The following GTF2H1 variants were observed in gnomAD, a reference collection of about 807,000 sequenced individuals.
The protein encoded by GTF2H1 is BTF2 p62.
GTF2H1 carries 16 observed loss-of-function variants against 71.2 expected under a neutral mutation model. The observed-to-expected ratio is 0.22, with a 90% CI of 0.15 to 0.34. GTF2H1 has a LOEUF of 0.34. GTF2H1 is among the 10% of genes least tolerant of loss of function. The pLI is 1.00. For synonymous variants in GTF2H1, 215 were observed against 219.0 expected (o/e 0.98, Z 0.16); for missense variants, 498 against 648.2 (o/e 0.77, Z 2.52).
chr11:18,362,279 G>A (rs1013968773), intron 14 of GTF2H1, among the ~76,000 whole-genome samples: 2 of 152,094 alleles, frequency 1.3e-5, no homozygotes, highest in African/African-American at 4.8e-5. Flanking sequence ...TGGTCCACCT[G>A]TAAAGGGCAT....
At chr11:18,331,706 T>G (rs550869076) in intron 1 of GTF2H1, among the ~76,000 whole-genome samples, 8 of 142,630 alleles carry the variant, frequency 5.6e-5, no homozygotes, top group South Asian at 2.2e-4. Flanking sequence ...TTTTTGGGGG[T>G]TTTTTTTTTG....
At chr11:18,334,919 C>T (rs4150575) in intron 2 of GTF2H1, among the ~76,000 whole-genome samples, 102,987 of 152,028 alleles carry the variant, frequency 0.68, 35,377 homozygotes, top group East Asian at 0.96. Context: ...TTGGTTGTCT[C>T]AGTAATGTTT....
At chr11:18,353,550 C>T (rs1865475231) in intron 11 of GTF2H1, among the ~76,000 whole-genome samples, 1 of 152,172 alleles carries the variant, frequency 6.6e-6, no homozygotes, top group Non-Finnish European at 1.5e-5. Flanking sequence ...TGTTTCTCCC[C>T]CAAGGAACTA....
At chr11:18,356,389 A>AG (rs1397070416) in intron 11 of GTF2H1, among the ~76,000 whole-genome samples, 1 of 152,032 alleles carries the variant, frequency 6.6e-6, no homozygotes, top group Non-Finnish European at 1.5e-5. Flanking sequence ...AAAAAAAAAA[A>AG]AAAAAAAAAT....
At chr11:18,344,632 A>G (rs1865242114) in intron 7 of GTF2H1, among the ~76,000 whole-genome samples, 1 of 151,876 alleles carries the variant, frequency 6.6e-6, no homozygotes, top group Non-Finnish European at 1.5e-5. Context: ...AAAAAAAAAA[A>G]AAAAGGATTA....
intron 14 of GTF2H1, among the ~76,000 whole-genome samples, chr11:18,360,922 C>T (rs1346321322): frequency 6.6e-6 from 1 of 151,800 alleles, no homozygotes; most frequent in Non-Finnish European, 1.5e-5. Flanking sequence ...TCTCCTGCCT[C>T]AGCCTTCTGA....
chr11:18,345,410 T>C (rs980453261), intron 7 of GTF2H1, among the ~76,000 whole-genome samples: 2 of 152,148 alleles, frequency 1.3e-5, no homozygotes, highest in African/African-American at 4.8e-5. Flanking sequence ...AAGCTGACTT[T>C]GTTCTGTTTA....
chr11:18,352,892 A>G (rs1865459043), intron 11 of GTF2H1, among the ~76,000 whole-genome samples: 1 of 152,192 alleles, frequency 6.6e-6, no homozygotes. Context: ...GGCAAACCTG[A>G]TTGATTTTCC....
In GTF2H1 at chr11:18,362,379, A is replaced by G. The variant is rs189320365; in HGVS notation, c.1560+1672A>G. 2.0e-3 allele frequency among the ~76,000 whole-genome samples: 305 copies of G among 152,322 alleles called. 2 individuals are homozygous for G. Among genetic ancestry groups the G allele is most frequent in the Non-Finnish European group, 3.6e-3 (245 of 68,024 alleles). On this transcript the variant is annotated intron_variant, in intron 14 of 14. Transcript: ENST00000265963. Reference sequence around the variant, plus strand: ...ATGTGAAGGCCTAGGACATTACTGTACACTACTGCAGAGTTTACTAACACT... The same window carrying G: ...ATGTGAAGGCCTAGGACATTACTGTGCACTACTGCAGAGTTTACTAACACT...
chr11:18,363,668 T>C (rs1048544885), intron 14 of GTF2H1, among the ~76,000 whole-genome samples: 2 of 152,200 alleles, frequency 1.3e-5, no homozygotes, highest in Non-Finnish European at 2.9e-5. Context: ...GCATTACTTA[T>C]AATCAGATAG....
chr11:18,364,268 C>T (rs887926940), intron 14 of GTF2H1, among the ~76,000 whole-genome samples: 1 of 152,086 alleles, frequency 6.6e-6, no homozygotes, highest in African/African-American at 2.4e-5. Context: ...ATTTTTTTAA[C>T]TCTGTACCCC....
chr11:18,360,822 T>C (rs1454769935), intron 14 of GTF2H1, 115 bp downstream of exon 14: 1 of 609,178 alleles, frequency 1.6e-6, no homozygotes, highest in East Asian at 3.2e-5. Context: ...TTTTTTTTTT[T>C]TGAAACGGAG....
At position 18,347,676 on chromosome 11, in the gene GTF2H1, A is replaced by G. The variant is rs1865327642; in HGVS notation, c.926A>G (p.His309Arg). The G allele has an allele frequency of 1.2e-6, 2 of 1,613,794 alleles. No individual in the cohort carries two copies. The highest frequency in any genetic ancestry group is 1.7e-6 in the Non-Finnish European group (2 of 1,179,634). The change falls in exon 8 of 15, where the codon CAT becomes CGT. Residue 309 changes from histidine to arginine, a missense_variant. Coordinates refer to ENST00000265963, the MANE Select transcript of GTF2H1 (RefSeq NM_005316.4). ...SNAAIIKRFN[H>R]HSAMVLAAGL... Reference sequence around the variant, plus strand: ...GCTGCCATCATCAAGAGATTTAACCATCACAGTGCCATGGTCCTGGCAGCT... The same window carrying G: ...GCTGCCATCATCAAGAGATTTAACCGTCACAGTGCCATGGTCCTGGCAGCT...
intron 1 of GTF2H1, chr11:18,325,812 G>C (rs574821105): frequency 6.6e-6 from 1 of 152,276 alleles, no homozygotes; most frequent in Non-Finnish European, 1.5e-5. Context: ...CTTTAATATA[G>C]ATCTTGCTAT....
At chr11:18,335,385 T>G (rs942931919) in intron 2 of GTF2H1, among the ~76,000 whole-genome samples, 10 of 152,218 alleles carry the variant, frequency 6.6e-5, no homozygotes, top group Non-Finnish European at 7.3e-5. Flanking sequence ...GATAGGTCAT[T>G]TTTTATTAAT....
chr11:18,342,106 C>G (rs1865170304), intron 7 of GTF2H1: 1 of 152,726 alleles, frequency 6.5e-6, no homozygotes, highest in African/African-American at 2.4e-5. Context: ...GATTTATCTA[C>G]TTGCAGAGAA....
chr11:18,357,899 C>CAA (rs113577976), intron 11 of GTF2H1, 53 bp from the exon 12 acceptor site: 188 of 880,226 alleles, frequency 2.1e-4, no homozygotes, highest in Non-Finnish European at 2.9e-4. Context: ...AGAGAGGTGG[C>CAA]AAAAAAAAAA....
chr11:18,333,440 C>CGG, intron 2 of GTF2H1: 1 of 384,164 alleles, frequency 2.6e-6, no homozygotes, highest in Non-Finnish European at 4.6e-6. Flanking sequence ...TGTAAATCTA[C>CGG]CTGACATATA....
intron 1 of GTF2H1, among the ~76,000 whole-genome samples, chr11:18,330,295 G>T (rs1338750312): frequency 6.6e-6 from 1 of 152,160 alleles, no homozygotes; most frequent in Non-Finnish European, 1.5e-5. Flanking sequence ...TCTGAAGCTG[G>T]TGGCACCAGT....
Sources: allele counts gnomAD v4.1 joint callset (sites outside exome capture counted in the v4.1 genomes callset), GRCh38; gene constraint gnomAD v4.1.1; transcripts MANE v1.5; gene names NCBI Gene and HGNC (gene_info 2026-07-23, HGNC 2026-07-21).